The following YEATS4 variants were observed in gnomAD, a reference collection of about 807,000 sequenced individuals.
The protein encoded by YEATS4 is YEATS domain-containing protein 4.
YEATS4 carries 17 observed loss-of-function variants against 30.1 expected under a neutral mutation model. The ratio of observed to expected loss-of-function variants is 0.56; its 90% CI spans 0.39 to 0.85. YEATS4 has a LOEUF of 0.85. Among genes scored for constraint, YEATS4 ranks in the 40% least tolerant of loss-of-function variants. The pLI is 0.00. For synonymous variants in YEATS4, 85 were observed against 87.5 expected (o/e 0.97, Z 0.16); for missense variants, 142 against 268.3 (o/e 0.53, Z 3.29).
At chr12:69,378,114 AGT>A (rs1875937271) in intron 6 of YEATS4, among the ~76,000 whole-genome samples, 2 of 152,160 alleles carry the variant, frequency 1.3e-5, no homozygotes, top group South Asian at 4.1e-4. Context: ...CTCTTTTTAT[AGT>A]TTTTGTTGTG....
the YEATS4 span, among the ~76,000 whole-genome samples, chr12:69,404,574 C>T: frequency 6.6e-6 from 1 of 152,170 alleles, no homozygotes. Context: ...AACAAGAAGA[C>T]CCTGACCAGA....
chr12:69,397,110 C>A, the YEATS4 span, among the ~76,000 whole-genome samples: 1 of 152,094 alleles, frequency 6.6e-6, no homozygotes, highest in Non-Finnish European at 1.5e-5. Context: ...CAAACCAAAT[C>A]CAGCAACATA....
chr12:69,397,353 A>G, the YEATS4 span, among the ~76,000 whole-genome samples: 1 of 152,064 alleles, frequency 6.6e-6, no homozygotes, highest in African/African-American at 2.4e-5. Context: ...ATGACTCGTG[A>G]TATAGTTTGG....
chr12:69,372,997 C>T (rs1374602431), intron 6 of YEATS4, among the ~76,000 whole-genome samples: 1 of 152,124 alleles, frequency 6.6e-6, no homozygotes, highest in Non-Finnish European at 1.5e-5. Context: ...ATAGTACTCT[C>T]TTGTGTATAT....
In YEATS4 at chr12:69,359,782, G is replaced by A. The variant is rs1875103342; in HGVS notation, c.-191G>A. ...TTCTCCACCTGCGCGGGCCTGAATG[G>A]CCTTCAGGAGCACAGTCGGCCTGAG... On this transcript the variant is annotated 5_prime_UTR_variant, in exon 1 of 7. Coordinates refer to ENST00000247843, the MANE Select transcript of YEATS4 (RefSeq NM_006530.4). The A allele has an allele frequency of 1.6e-6, 1 of 637,548 alleles. No individual in the cohort carries two copies. Among genetic ancestry groups the A allele is most frequent in the Admixed American group, 3.2e-5 (1 of 31,256 alleles). 39.5% of individuals were successfully genotyped at this position (637,548 alleles called of 1,614,324 possible).
intron 2 of YEATS4, among the ~76,000 whole-genome samples, chr12:69,364,683 G>T (rs529675714): frequency 6.6e-6 from 1 of 152,250 alleles, no homozygotes; most frequent in South Asian, 2.1e-4. Context: ...GCAATGGTGT[G>T]ATCTCAGCTT....
chr12:69,374,580 T>G (rs1433458760), intron 6 of YEATS4, among the ~76,000 whole-genome samples: 18 of 152,138 alleles, frequency 1.2e-4, no homozygotes, highest in Admixed American at 1.2e-3. Flanking sequence ...TTTGTGTCCC[T>G]GGGTACTTGA....
At chr12:69,406,839 G>A in the YEATS4 span, among the ~76,000 whole-genome samples, 5 of 151,730 alleles carry the variant, frequency 3.3e-5, no homozygotes, top group Non-Finnish European at 7.4e-5. Flanking sequence ...TTTTGAGACA[G>A]GGTCTTGCTC....
downstream of YEATS4, among the ~76,000 whole-genome samples, chr12:69,392,384 T>C (rs1479825927): frequency 1.3e-5 from 2 of 152,194 alleles, no homozygotes; most frequent in African/African-American, 4.8e-5. Flanking sequence ...CTCCTAGATA[T>C]ATACCCAAGA....
chr12:69,376,468 A>G (rs542327276), intron 6 of YEATS4, among the ~76,000 whole-genome samples: 1 of 152,376 alleles, frequency 6.6e-6, no homozygotes, highest in South Asian at 2.1e-4. Context: ...AATTGAAATG[A>G]TCATATGGTT....
chr12:69,388,373 A>G (rs1868278247), intron 6 of YEATS4, among the ~76,000 whole-genome samples: 1 of 152,226 alleles, frequency 6.6e-6, no homozygotes, highest in South Asian at 2.1e-4. Flanking sequence ...AAAGAGATTG[A>G]TGGAGCCTTA....
the YEATS4 span, among the ~76,000 whole-genome samples, chr12:69,425,252 A>T: frequency 2.0e-5 from 3 of 152,200 alleles, no homozygotes; most frequent in Non-Finnish European, 4.4e-5. Context: ...AATAAATTGT[A>T]GTTCATTCGG....
the YEATS4 span, among the ~76,000 whole-genome samples, chr12:69,396,032 C>T: frequency 6.6e-6 from 1 of 152,092 alleles, no homozygotes; most frequent in Non-Finnish European, 1.5e-5. Flanking sequence ...ATGTAATACG[C>T]CTCATGTCAA....
chr12:69,365,767 T>G (rs200848212), intron 3 of YEATS4, 23 bp from the exon 4 acceptor site: 2 of 1,529,002 alleles, frequency 1.3e-6, no homozygotes, highest in African/African-American at 4.4e-5. Context: ...ACCGATAATT[T>G]ACTATTTTTT....
chr12:69,381,506 C>T (rs570362746), intron 6 of YEATS4, among the ~76,000 whole-genome samples: 1 of 152,152 alleles, frequency 6.6e-6, no homozygotes, highest in Non-Finnish European at 1.5e-5. Flanking sequence ...AGGTGACATA[C>T]ATCCTCCTCA....
chr12:69,413,375 C>A, the YEATS4 span, among the ~76,000 whole-genome samples: 233 of 124,026 alleles, frequency 1.9e-3, 1 homozygote, highest in Middle Eastern at 0.014. Flanking sequence ...AAAAAAAAAA[C>A]TACTAATTGC....
chr12:69,421,617 G>A, the YEATS4 span, among the ~76,000 whole-genome samples: 5 of 152,176 alleles, frequency 3.3e-5, no homozygotes, highest in African/African-American at 1.2e-4. Context: ...TGTATCTCAT[G>A]ACTAAGAAAT....
chr12:69,415,741 C>T, the YEATS4 span, among the ~76,000 whole-genome samples: 2 of 152,148 alleles, frequency 1.3e-5, no homozygotes, highest in Admixed American at 6.5e-5. Context: ...GGATTCACTG[C>T]CTGTGATCCC....
the YEATS4 span, among the ~76,000 whole-genome samples, chr12:69,397,889 C>A: frequency 6.6e-6 from 1 of 152,066 alleles, no homozygotes; most frequent in African/African-American, 2.4e-5. Flanking sequence ...AAAATAAATA[C>A]CAAATACCTG....
Sources: gnomAD v4.1 joint callset for allele counts (sites outside exome capture counted in the v4.1 genomes callset) on GRCh38, gnomAD v4.1.1 for gene constraint, MANE v1.5 for transcripts, NCBI Gene and HGNC (gene_info 2026-07-23, HGNC 2026-07-21) for gene names.